The following SEMA5A variants were observed in gnomAD, a reference collection of about 807,000 sequenced individuals.
SEMA5A encodes semaphorin-5A.
A neutral mutation model predicts 135.5 loss-of-function variants in SEMA5A; 55 were observed. That is an observed-to-expected ratio of 0.41 (90% CI 0.33 to 0.51). The LOEUF is 0.51. Among genes scored for constraint, SEMA5A ranks in the 20% least tolerant of loss-of-function variants. The pLI, the probability that SEMA5A is intolerant of heterozygous loss-of-function variation, is 0.37. For missense variants in SEMA5A, 1,290 were observed against 1,419.9 expected, an observed-to-expected ratio of 0.91 and a Z score of 1.47; for synonymous variants, 580 against 546.5, an observed-to-expected ratio of 1.06 and a Z score of -0.85.
chr5:9,292,024 A>C (rs575355623), intron 5 of SEMA5A, among the ~76,000 whole-genome samples: 1 of 152,248 alleles, frequency 6.6e-6, no homozygotes, highest in East Asian at 1.9e-4. Flanking sequence ...CAGCCCTAGA[A>C]AGATGGCTGG....
intron 11 of SEMA5A, among the ~76,000 whole-genome samples, chr5:9,162,535 T>C (rs1743331947): frequency 1.3e-5 from 1 of 77,334 alleles, no homozygotes; most frequent in African/African-American, 3.4e-5. Context: ...TGTATATATA[T>C]GTATGTGTGT....
chr5:9,281,358 C>T (rs1456340018), intron 5 of SEMA5A, among the ~76,000 whole-genome samples: 1 of 152,142 alleles, frequency 6.6e-6, no homozygotes, highest in Non-Finnish European at 1.5e-5. Flanking sequence ...ACAGTGGTCC[C>T]CAAATAGGGA....
rs148160768 is a variant in SEMA5A, at chr5:9,494,027, A to G, written c.-175+51557T>C. Among the ~76,000 whole-genome samples, 46 of 152,322 alleles carry G rather than the reference A, an allele frequency of 3.0e-4. No individual in the cohort carries two copies. In the East Asian group the frequency reaches 8.5e-3, roughly 28 times the overall value. On this transcript the variant is annotated intron_variant, in intron 1 of 22. Coordinates refer to ENST00000382496, the MANE Select transcript of SEMA5A (RefSeq NM_003966.3). ...AAATTTTAAAAAATATATTTTATAT[A>G]AATTCTTATCTGGACCTGTACTTCA...
At chr5:9,415,938 G>A (rs1190285594) in intron 2 of SEMA5A, among the ~76,000 whole-genome samples, 1 of 152,142 alleles carries the variant, frequency 6.6e-6, no homozygotes, top group East Asian at 1.9e-4. Context: ...AAGCTGAGCA[G>A]CCAAAAAATA....
intron 16 of SEMA5A, among the ~76,000 whole-genome samples, chr5:9,093,600 G>A (rs761699885): frequency 2.6e-5 from 4 of 152,068 alleles, no homozygotes; most frequent in African/African-American, 4.8e-5. Flanking sequence ...CCATCTACTC[G>A]GGAGGCTGAG....
Position 9,036,816 on chromosome 5 carries a change from G to GATC in SEMA5A, c.*6078_*6080dup, listed in dbSNP as rs1198318521. On this transcript the variant is annotated 3_prime_UTR_variant, in exon 23 of 23. Transcript: ENST00000382496. Reference sequence around the variant, plus strand: ...ATAATATCCACATGAAATGATAAATGATCATCTTAAACAAGGCACTAGCAA... The same window carrying GATC: ...ATAATATCCACATGAAATGATAAATGATCATCATCTTAAACAAGGCACTAGCAA... 6.6e-6 allele frequency: 1 copy of GATC among 152,570 alleles called. No individual in the cohort carries two copies. Among genetic ancestry groups the GATC allele is most frequent in the East Asian group, 1.9e-4 (1 of 5,190 alleles). 9.5% of individuals were successfully genotyped at this position (152,570 alleles called of 1,614,324 possible). A position where few individuals can be genotyped will look rare whatever the true frequency, so the allele number is the denominator to read the frequency against.
At chr5:9,245,384 T>C (rs573238685) in intron 5 of SEMA5A, among the ~76,000 whole-genome samples, 4 of 152,284 alleles carry the variant, frequency 2.6e-5, no homozygotes, top group South Asian at 4.1e-4. Flanking sequence ...AGAGAGGGAC[T>C]ACCATATTAT....
At position 9,521,410 on chromosome 5, in the gene SEMA5A, A is replaced by T. The variant is rs184502264; in HGVS notation, c.-175+24174T>A. On this transcript the variant is annotated intron_variant, in intron 1 of 22. Coordinates refer to ENST00000382496, the MANE Select transcript of SEMA5A (RefSeq NM_003966.3). ...GGGCAACAGAGTGAGATACTGTCTT[A>T]AAAAAATAAAAATAATAAAAATAAA... Among the ~76,000 whole-genome samples, 320 of 152,062 alleles carry T rather than the reference A, an allele frequency of 2.1e-3. 1 individual carries two copies. The South Asian group carries it at 0.033, about 16-fold the overall frequency.
Position 9,240,479 on chromosome 5 carries a change from C to T in SEMA5A, c.271-2589G>A, listed in dbSNP as rs3026322. On this transcript the variant is annotated intron_variant, in intron 5 of 22. Coordinates refer to ENST00000382496, the MANE Select transcript of SEMA5A (RefSeq NM_003966.3). ...TTCCAGATTATACTAGAATGGGATG[C>T]TCCAGATTCATCCCATAGTGTCCTC... Among the ~76,000 whole-genome samples the T allele has an allele frequency of 3.3e-3, 497 of 151,906 alleles. 4 individuals carry two copies. The highest frequency in any genetic ancestry group is 4.5e-3 in the Non-Finnish European group (308 of 67,876).
At position 9,040,173 on chromosome 5, in the gene SEMA5A, A is replaced by C. The variant is rs1735884188; in HGVS notation, c.*2724T>G. The C allele has an allele frequency of 6.6e-6, 1 of 152,266 alleles. No homozygotes were observed. The highest frequency in any genetic ancestry group is 2.1e-4 in the South Asian group (1 of 4,830). The allele number at this position is 152,266 out of a possible 1,614,324, so 9.4% of individuals were successfully genotyped here. A position where few individuals can be genotyped will look rare whatever the true frequency, so the allele number is the denominator to read the frequency against. ...ATAGGAAGAAAGGAAGAATTAAAGA[A>C]AGAAGAAAGGAAAGAAGAAAAGAAG... On this transcript the variant is annotated 3_prime_UTR_variant, in exon 23 of 23. Coordinates refer to ENST00000382496, the MANE Select transcript of SEMA5A (RefSeq NM_003966.3).
chr5:9,206,163 C>T (rs182964813), intron 8 of SEMA5A, among the ~76,000 whole-genome samples: 58 of 152,226 alleles, frequency 3.8e-4, no homozygotes, highest in South Asian at 1.2e-3. Context: ...TTCTTCTTGT[C>T]TACAATGGAT....
At chr5:9,348,901 G>T (rs562317681) in intron 3 of SEMA5A, among the ~76,000 whole-genome samples, 21 of 152,284 alleles carry the variant, frequency 1.4e-4, no homozygotes, top group African/African-American at 4.8e-4. Context: ...GAATAGTTCT[G>T]CTACATATTC....
intron 1 of SEMA5A, among the ~76,000 whole-genome samples, chr5:9,471,166 T>C (rs906197663): frequency 4.6e-5 from 7 of 151,964 alleles, no homozygotes; most frequent in African/African-American, 1.7e-4. Context: ...AGAACCCAAT[T>C]CCCTTCACAT....
At chr5:9,474,859 C>T (rs1288895070) in intron 1 of SEMA5A, among the ~76,000 whole-genome samples, 1 of 152,224 alleles carries the variant, frequency 6.6e-6, no homozygotes, top group African/African-American at 2.4e-5. Context: ...ACAGGTGAGC[C>T]TTTTCCTGCC....
intron 16 of SEMA5A, among the ~76,000 whole-genome samples, chr5:9,071,582 T>C (rs999191181): frequency 1.3e-5 from 2 of 152,138 alleles, no homozygotes; most frequent in Non-Finnish European, 2.9e-5. Context: ...ATTTAGATAG[T>C]TAAGTGGGAC....
At chr5:9,233,190 C>T (rs2150439605) in intron 6 of SEMA5A, among the ~76,000 whole-genome samples, 1 of 152,316 alleles carries the variant, frequency 6.6e-6, no homozygotes, top group East Asian at 1.9e-4. Context: ...CATACAGCAG[C>T]TCTTTCATTC....
At chr5:9,144,491 G>A (rs1212056965) in intron 12 of SEMA5A, among the ~76,000 whole-genome samples, 1 of 152,160 alleles carries the variant, frequency 6.6e-6, no homozygotes, top group African/African-American at 2.4e-5. Context: ...CTTCTGTGTA[G>A]TACAGCCCAC....
intron 1 of SEMA5A, among the ~76,000 whole-genome samples, chr5:9,541,450 C>T (rs1038391988): frequency 6.6e-6 from 1 of 152,080 alleles, no homozygotes; most frequent in African/African-American, 2.4e-5. Context: ...GGCTCATGAC[C>T]TTTCAATAAT....
chr5:9,344,988 C>T (rs77938711), intron 3 of SEMA5A, among the ~76,000 whole-genome samples: 1,822 of 152,218 alleles, frequency 0.012, 19 homozygotes, highest in Middle Eastern at 0.027. Context: ...CTTTGCTGGT[C>T]TATTTTCTTC....
Sources: allele counts gnomAD v4.1 joint callset (sites outside exome capture counted in the v4.1 genomes callset), GRCh38; gene constraint gnomAD v4.1.1; transcripts MANE v1.5; gene names NCBI Gene and HGNC (gene_info 2026-07-23, HGNC 2026-07-21).